Variants in CYP2C8 observed in about 807,000 individuals in gnomAD.
The protein encoded by CYP2C8 is cytochrome P450 2C8.
In CYP2C8, 51 loss-of-function variants were observed where a neutral mutation model predicts 41.3. The observed-to-expected ratio is 1.24, with a 90% CI of 0.99 to 1.56. The LOEUF (loss-of-function observed/expected upper bound fraction) is 1.56, where lower values mean the gene tolerates loss of function less well. Ranked by LOEUF, CYP2C8 falls within the 40% of genes most tolerant of loss-of-function variation. CYP2C8 has a pLI of 0.00. For missense variants in CYP2C8, 651 were observed against 579.9 expected (o/e 1.12, Z -1.26); for synonymous variants, 218 against 205.8 (o/e 1.06, Z -0.51).
chr10:95,058,254 T>A, intron 5 of CYP2C8, 81 bp downstream of exon 5: 1 of 1,589,816 alleles, frequency 6.3e-7, no homozygotes, highest in African/African-American at 1.3e-5. Flanking sequence ...CATTTAAACA[T>A]CCTTAGTAAA....
chr10:95,045,278 C>G (rs553664822), intron 6 of CYP2C8, among the ~76,000 whole-genome samples: 3 of 152,220 alleles, frequency 2.0e-5, no homozygotes, highest in African/African-American at 7.2e-5. Flanking sequence ...AATAAAATTC[C>G]TTTAGGTATG....
At position 95,064,874 on chromosome 10, in the gene CYP2C8, T is replaced by C; in HGVS notation, c.568A>G (p.Lys190Glu). 6.2e-7 allele frequency: 1 copy of C among 1,614,012 alleles called. No homozygotes were observed. Among genetic ancestry groups the C allele is most frequent in the Non-Finnish European group, 8.5e-7 (1 of 1,179,988 alleles). Reference sequence around the variant, plus strand: ...ATCAGGGTGAGAAAATTCTGATCTTTATAATCAAATCGTTTCTGGAAAACA... The same window carrying C: ...ATCAGGGTGAGAAAATTCTGATCTTCATAATCAAATCGTTTCTGGAAAACA... ...SVVFQKRFDY[K>E]DQNFLTLMKR... The change falls in exon 4 of 9, where the codon AAA becomes GAA. Residue 190 changes from lysine (K) to glutamate (E), a missense_variant. Transcript: ENST00000371270.
Position 95,066,145 on chromosome 10 carries a change from AGAGAGAGAGTGTGTGT to A in CYP2C8, c.481+1047_481+1062del, listed in dbSNP as rs1481251126. Among the ~76,000 whole-genome samples, 145 of 114,608 alleles carry A rather than the reference AGAGAGAGAGTGTGTGT, an allele frequency of 1.3e-3. 2 individuals carry two copies. The highest frequency in any genetic ancestry group is 2.1e-3 in the Non-Finnish European group (113 of 54,660). 75.2% of individuals were successfully genotyped at this position (114,608 alleles called of 152,430 possible). A position where few individuals can be genotyped will look rare whatever the true frequency, so the allele number is the denominator to read the frequency against. Reference sequence around the variant, plus strand: ...GAGAGAGAGAGAGAGAGAGAGAGAGAGAGAGAGAGTGTGTGTGTGTGTGTGTGTGTGTGTGTGTGTG... The same window carrying A: ...GAGAGAGAGAGAGAGAGAGAGAGAGAGTGTGTGTGTGTGTGTGTGTGTGTG... On this transcript the variant is annotated intron_variant, in intron 3 of 8. Coordinates refer to ENST00000371270, the MANE Select transcript of CYP2C8 (RefSeq NM_000770.3).
intron 1 of CYP2C8, 178 bp downstream of exon 1, chr10:95,069,057 C>T (rs576073086): frequency 9.0e-5 from 60 of 663,968 alleles, no homozygotes; most frequent in South Asian, 8.7e-4. Flanking sequence ...AGCGAGACTC[C>T]GTCTCAAAAA....
At chr10:95,041,787 CAAAAAAAAAAAAA>C (rs60326519) in intron 7 of CYP2C8, among the ~76,000 whole-genome samples, 1 of 83,172 alleles carries the variant, frequency 1.2e-5, no homozygotes, top group Non-Finnish European at 2.2e-5. Flanking sequence ...GACTCCGTCT[CAAAAAAAAAAAAA>C]AAAAAAAAAA....
At chr10:95,041,008 A>T in intron 7 of CYP2C8, 1 of 456,154 alleles carries the variant, frequency 2.2e-6, no homozygotes, top group South Asian at 1.5e-5. Context: ...AAAATATCTT[A>T]TGAATACAGA....
intron 1 of CYP2C8, chr10:95,068,475 T>C: frequency 1.5e-6 from 1 of 652,026 alleles, no homozygotes; most frequent in South Asian, 1.6e-5. Flanking sequence ...CAGATATTTA[T>C]TTCACATCAG....
intron 8 of CYP2C8, 102 bp from the exon 9 acceptor site, chr10:95,037,411 T>C (rs934131841): frequency 8.3e-6 from 8 of 965,192 alleles, no homozygotes; most frequent in African/African-American, 3.2e-5. Context: ...CAGTAAATAA[T>C]TGATTAATGA....
Position 95,037,309 on chromosome 10 carries a change from C to A in CYP2C8, c.1292G>T (p.Gly431Val). The change falls in exon 9 of 9, where the codon GGA becomes GTA. Residue 431 changes from glycine to valine, a missense_variant and splice_region_variant. Physicochemically the swap from Gly to Val is moderately radical, Grantham distance 109. Transcript: ENST00000371270. The part of the protein sequence containing the change: ...KSDYFMPFSA[G>V]KRICAGEGLA... ...TCCTTCTCCTGCACAAATTCGTTTT[C>A]CTGAAGATAACAAAGAAAGGAAGTA... is the stretch of plus-strand genomic sequence containing the variant. 6.2e-7 allele frequency: 1 copy of A among 1,612,942 alleles called. No individual in the cohort carries two copies. Among genetic ancestry groups the A allele is most frequent in the Non-Finnish European group, 8.5e-7 (1 of 1,179,610 alleles).
chr10:95,061,631 C>T (rs1302833944), intron 4 of CYP2C8, among the ~76,000 whole-genome samples: 2 of 152,090 alleles, frequency 1.3e-5, no homozygotes, highest in East Asian at 3.9e-4. Context: ...TTTTGTGTCT[C>T]TATTTCCTTC....
chr10:95,043,155 C>T, intron 6 of CYP2C8, 78 bp from the exon 7 acceptor site: 1 of 1,345,818 alleles, frequency 7.4e-7, no homozygotes, highest in Non-Finnish European at 1.1e-6. Flanking sequence ...GCCACATTAA[C>T]ATGATATAAA....
rs72558195 is a variant in CYP2C8, at chr10:95,064,886, G to A, written c.556C>T (p.Arg186Ter). The A allele has an allele frequency of 3.5e-4, 565 of 1,613,658 alleles. No individual in the cohort carries two copies. The highest frequency in any genetic ancestry group is 4.2e-4 in the Non-Finnish European group (496 of 1,179,938). The change falls in exon 4 of 9, where the codon CGA (arginine) becomes TGA (stop). Residue 186 changes from arginine (R) to a stop codon, truncating the protein, a stop_gained. Coordinates refer to ENST00000371270, the MANE Select transcript of CYP2C8 (RefSeq NM_000770.3). LOFTEE classifies it high-confidence loss of function. ...NVICSVVFQK[R>*]FDYKDQNFLT... ...AAATTCTGATCTTTATAATCAAATC[G>A]TTTCTGGAAAACAACGGAGCAGATC...
intron 5 of CYP2C8, among the ~76,000 whole-genome samples, chr10:95,055,651 AG>A (rs1448972680): frequency 1.3e-5 from 2 of 152,234 alleles, no homozygotes; most frequent in Non-Finnish European, 2.9e-5. Flanking sequence ...TGTTCATCAA[AG>A]GACAAAATTA....
intron 4 of CYP2C8, among the ~76,000 whole-genome samples, chr10:95,061,824 A>G (rs1455251273): frequency 6.6e-6 from 1 of 152,152 alleles, no homozygotes; most frequent in Non-Finnish European, 1.5e-5. Flanking sequence ...TGTCCCAGAG[A>G]TTCTGGTATG....
intron 4 of CYP2C8, among the ~76,000 whole-genome samples, chr10:95,063,451 T>G (rs1353933696): frequency 6.6e-6 from 1 of 152,268 alleles, no homozygotes; most frequent in African/African-American, 2.4e-5. Context: ...AGCTTGTGCA[T>G]GTGTCACGTA....
chr10:95,056,526 A>T (rs967434999), intron 5 of CYP2C8, among the ~76,000 whole-genome samples: 1 of 152,210 alleles, frequency 6.6e-6, no homozygotes, highest in Admixed American at 6.5e-5. Flanking sequence ...ATGATAAGCA[A>T]ATTGTCATAT....
At chr10:95,038,771 G>A (rs898738780) in intron 8 of CYP2C8, 126 bp downstream of exon 8, 8 of 866,064 alleles carry the variant, frequency 9.2e-6, no homozygotes, top group Non-Finnish European at 1.3e-5. Flanking sequence ...GGTGTTAAGA[G>A]TGGTGCTCTT....
At chr10:95,037,386 C>A (rs2032907164) in intron 8 of CYP2C8, 77 bp from the exon 9 acceptor site, 9 of 1,288,712 alleles carry the variant, frequency 7.0e-6, no homozygotes, top group Non-Finnish European at 1.0e-5. Context: ...TTGTGACTTG[C>A]ACAAACAGAA....
chr10:95,057,571 T>C (rs1460562533), intron 5 of CYP2C8, among the ~76,000 whole-genome samples: 1 of 152,086 alleles, frequency 6.6e-6, no homozygotes, highest in Non-Finnish European at 1.5e-5. Flanking sequence ...ACTACAGTAA[T>C]TAAGACTTCA....
Sources: gnomAD v4.1 joint callset for allele counts (sites outside exome capture counted in the v4.1 genomes callset) on GRCh38, gnomAD v4.1.1 for gene constraint, MANE v1.5 for transcripts, NCBI Gene and HGNC (gene_info 2026-07-23, HGNC 2026-07-21) for gene names.